SERTM1: variants seen among roughly 807,000 people sequenced by gnomAD.
SERTM1 encodes serine rich and transmembrane domain containing 1.
Under a neutral mutation model 5.5 loss-of-function variants are expected in SERTM1, and 1 was observed. The observed-to-expected ratio is 0.18, with a 90% CI of 0.06 to 0.86. SERTM1 has a LOEUF of 0.86. Ranked by LOEUF, SERTM1 falls within the 40% of genes least tolerant of loss-of-function variation. The pLI, the probability that SERTM1 is intolerant of heterozygous loss-of-function variation, is 0.69. For synonymous variants in SERTM1, 52 were observed against 55.1 expected, an observed-to-expected ratio of 0.94 and a Z score of 0.25; for missense variants, 91 against 122.4, an observed-to-expected ratio of 0.74 and a Z score of 1.21.
intron 1 of SERTM1, among the ~76,000 whole-genome samples, chr13:36,677,126 T>C (rs921822418): frequency 1.3e-5 from 2 of 152,222 alleles, no homozygotes; most frequent in African/African-American, 4.8e-5. Context: ...AACGTCTTCA[T>C]GCTCAGTCTC....
At chr13:36,692,081 G>T (rs1014544774) in intron 1 of SERTM1, among the ~76,000 whole-genome samples, 1 of 152,096 alleles carries the variant, frequency 6.6e-6, no homozygotes, top group African/African-American at 2.4e-5. Context: ...CCCCGGAAAT[G>T]GTATTAAATC....
intron 1 of SERTM1, among the ~76,000 whole-genome samples, chr13:36,681,931 T>C (rs1323110237): frequency 6.6e-6 from 1 of 152,214 alleles, no homozygotes; most frequent in African/African-American, 2.4e-5. Context: ...AATCTTAGCT[T>C]TCTTAGACAT....
intron 1 of SERTM1, among the ~76,000 whole-genome samples, chr13:36,680,796 A>G (rs2056700144): frequency 6.6e-6 from 1 of 152,168 alleles, no homozygotes; most frequent in East Asian, 1.9e-4. Flanking sequence ...CTCTGTTGCC[A>G]GGCTGGAGTG....
chr13:36,693,301 G>A (rs1013413746), intron 1 of SERTM1, among the ~76,000 whole-genome samples: 3 of 151,982 alleles, frequency 2.0e-5, no homozygotes, highest in Non-Finnish European at 4.4e-5. Flanking sequence ...CCCCAAAGAT[G>A]AACGGCTGGA....
At chr13:36,679,744 TA>T (rs2056692036) in intron 1 of SERTM1, among the ~76,000 whole-genome samples, 1 of 152,054 alleles carries the variant, frequency 6.6e-6, no homozygotes, top group African/African-American at 2.4e-5. Flanking sequence ...TTCTGTGTAT[TA>T]ATGATGTCAT....
intron 1 of SERTM1, among the ~76,000 whole-genome samples, chr13:36,683,817 G>A (rs577425490): frequency 1.8e-4 from 27 of 152,278 alleles, no homozygotes; most frequent in African/African-American, 3.4e-4. Flanking sequence ...ACAGGCCTAC[G>A]AGAAGGGACA....
chr13:36,677,885 T>C (rs936263323), intron 1 of SERTM1, among the ~76,000 whole-genome samples: 1 of 152,198 alleles, frequency 6.6e-6, no homozygotes, highest in African/African-American at 2.4e-5. Context: ...AAGCAGAACA[T>C]TGACAACATC....
In SERTM1 at chr13:36,674,110, A is replaced by G. The variant is rs1373326899; in HGVS notation, c.-248A>G. The G allele has an allele frequency of 2.0e-5, 3 of 152,164 alleles. No individual in the cohort carries two copies. The highest frequency in any genetic ancestry group is 4.4e-5 in the Non-Finnish European group (3 of 68,052). 9.4% of individuals were successfully genotyped at this position (152,164 alleles called of 1,614,324 possible). A position where few individuals can be genotyped will look rare whatever the true frequency, so the allele number is the denominator to read the frequency against. Reference sequence around the variant, plus strand: ...CCCGAGGACGGCTTCGCGGGCGCGTATCGTCCAGACCGGAGCACCGCCCCA... The same window carrying G: ...CCCGAGGACGGCTTCGCGGGCGCGTGTCGTCCAGACCGGAGCACCGCCCCA... On this transcript the variant is annotated 5_prime_UTR_variant, in exon 1 of 2. Coordinates refer to ENST00000315190, the MANE Select transcript of SERTM1 (RefSeq NM_203451.3).
chr13:36,676,105 T>A (rs2056668215), intron 1 of SERTM1, among the ~76,000 whole-genome samples: 1 of 152,192 alleles, frequency 6.6e-6, no homozygotes. Context: ...AACTGTGTGA[T>A]TGCATGTGGC....
At chr13:36,678,985 A>G (rs2056686939) in intron 1 of SERTM1, among the ~76,000 whole-genome samples, 1 of 152,098 alleles carries the variant, frequency 6.6e-6, no homozygotes, top group African/African-American at 2.4e-5. Flanking sequence ...ACTGTGACCC[A>G]TTCTTCCCTA....
At chr13:36,692,680 G>C (rs542725339) in intron 1 of SERTM1, among the ~76,000 whole-genome samples, 1 of 152,332 alleles carries the variant, frequency 6.6e-6, no homozygotes, top group African/African-American at 2.4e-5. Flanking sequence ...AAGTAGGAAA[G>C]GTAGGCATCA....
At chr13:36,675,369 AC>A (rs1188041687) in intron 1 of SERTM1, among the ~76,000 whole-genome samples, 5 of 152,100 alleles carry the variant, frequency 3.3e-5, no homozygotes, top group Non-Finnish European at 7.4e-5. Context: ...ACTCCCTAAG[AC>A]GTTTCTCCTA....
In SERTM1 at chr13:36,695,594, T is replaced by C. The variant is rs1328975289; in HGVS notation, c.*192T>C. The stretch of plus-strand genomic sequence containing the variant: ...ATGGAGACACCGATGTTGGTGGAAA[T>C]GTGTGCAAACCCCAAGGTGCAGAAT... On this transcript the variant is annotated 3_prime_UTR_variant, in exon 2 of 2. Transcript: ENST00000315190. The C allele has an allele frequency of 1.6e-6, 1 of 616,280 alleles. No homozygotes were observed. 38.2% of individuals were successfully genotyped at this position (616,280 alleles called of 1,614,324 possible).
chr13:36,675,695 G>T (rs1359837667), intron 1 of SERTM1, among the ~76,000 whole-genome samples: 4 of 152,114 alleles, frequency 2.6e-5, no homozygotes, highest in African/African-American at 4.8e-5. Context: ...GTTTTTAGTT[G>T]ATCTGTAAAG....
intron 1 of SERTM1, among the ~76,000 whole-genome samples, chr13:36,686,938 G>A (rs2056745333): frequency 6.6e-6 from 1 of 152,066 alleles, no homozygotes; most frequent in Admixed American, 6.5e-5. Flanking sequence ...CCAAAACTTA[G>A]CCTGCCTAAG....
rs1322767635 is a variant in SERTM1 at position 36,696,268 on chromosome 13, A to AT, written c.*866_*867insT. 2.8e-4 allele frequency: 46 copies of AT among 167,024 alleles called. No homozygotes were observed. Among genetic ancestry groups the AT allele is most frequent in the African/African-American group, 9.9e-4 (41 of 41,594 alleles). The allele number at this position is 167,024 out of a possible 1,614,324, so 10.3% of individuals were successfully genotyped here. On this transcript the variant is annotated 3_prime_UTR_variant, in exon 2 of 2. Coordinates refer to ENST00000315190, the MANE Select transcript of SERTM1 (RefSeq NM_203451.3). ...TTCATTTAGTTGTATTTTATACAGT[A>AT]ATAACTCTTAGCTGTCGTGTAAGTT...
At chr13:36,677,973 C>A (rs572934117) in intron 1 of SERTM1, among the ~76,000 whole-genome samples, 2 of 151,032 alleles carry the variant, frequency 1.3e-5, no homozygotes, top group East Asian at 1.9e-4. Flanking sequence ...GCCTGAGAGT[C>A]AAACTTTGAA....
chr13:36,676,708 T>C (rs957730879), intron 1 of SERTM1, among the ~76,000 whole-genome samples: 4 of 152,168 alleles, frequency 2.6e-5, no homozygotes, highest in African/African-American at 7.2e-5. Flanking sequence ...TCTTCAAATA[T>C]CTACTTGTGG....
chr13:36,674,476 G>A (rs1421536869), intron 1 of SERTM1, among the ~76,000 whole-genome samples: 1 of 152,132 alleles, frequency 6.6e-6, no homozygotes, highest in East Asian at 1.9e-4. Context: ...TGAGTGCAAT[G>A]TCCTTGGCCC....
Sources: allele counts gnomAD v4.1 joint callset (sites outside exome capture counted in the v4.1 genomes callset), GRCh38; gene constraint gnomAD v4.1.1; transcripts MANE v1.5; gene names NCBI Gene and HGNC (gene_info 2026-07-23, HGNC 2026-07-21).